Variants in ABLIM1 observed in about 807,000 individuals in gnomAD.
The protein encoded by ABLIM1 is actin-binding LIM protein 1.
A neutral mutation model predicts 107.0 loss-of-function variants in ABLIM1; 40 were observed. The observed-to-expected ratio is 0.37, with a 90% CI of 0.29 to 0.49. ABLIM1 has a LOEUF of 0.49. ABLIM1 is among the 20% of genes least tolerant of loss of function. ABLIM1 has a pLI of 0.97. For missense variants in ABLIM1, 857 were observed against 1,008.5 expected (o/e 0.85, Z 2.04); for synonymous variants, 357 against 357.3 (o/e 1.00, Z 0.01).
chr10:114,532,034 C>A (rs969855646), intron 6 of ABLIM1, among the ~76,000 whole-genome samples: 4 of 152,126 alleles, frequency 2.6e-5, no homozygotes, highest in African/African-American at 9.7e-5. Context: ...AGGCTCGTCT[C>A]GAACTCCTGG....
chr10:114,672,421 G>C (rs1018052639), intron 1 of ABLIM1, among the ~76,000 whole-genome samples: 2 of 152,000 alleles, frequency 1.3e-5, no homozygotes, highest in African/African-American at 4.8e-5. Context: ...GAGTGGTCTC[G>C]AGCTCCTGAC....
At chr10:114,439,033 G>T in intron 21 of ABLIM1, 143 bp downstream of exon 21, 1 of 935,196 alleles carries the variant, frequency 1.1e-6, no homozygotes, top group Non-Finnish European at 1.7e-6. Flanking sequence ...CAAAACAGCA[G>T]AATGGCAAGG....
At chr10:114,462,125 A>G (rs2064062091) in intron 12 of ABLIM1, among the ~76,000 whole-genome samples, 1 of 152,222 alleles carries the variant, frequency 6.6e-6, no homozygotes, top group South Asian at 2.1e-4. Context: ...ACTGACAACG[A>G]AAATTCAGTA....
the ABLIM1 span, chr10:114,779,342 G>A: frequency 6.6e-6 from 1 of 152,188 alleles, no homozygotes; most frequent in South Asian, 2.1e-4. Context: ...CTAGAATCTG[G>A]ATACAGGTTG....
At chr10:114,784,994 T>C in the ABLIM1 span, among the ~76,000 whole-genome samples, 1 of 152,236 alleles carries the variant, frequency 6.6e-6, no homozygotes, top group Admixed American at 6.5e-5. Context: ...AAATGATTAA[T>C]AGATCTTATA....
intron 1 of ABLIM1, among the ~76,000 whole-genome samples, chr10:114,734,321 A>T (rs981118715): frequency 6.6e-6 from 1 of 152,172 alleles, no homozygotes; most frequent in South Asian, 2.1e-4. Flanking sequence ...CCCTTGCTCA[A>T]AACCTTCAAA....
chr10:114,695,313 T>G (rs993427787), intron 1 of ABLIM1, among the ~76,000 whole-genome samples: 6 of 152,132 alleles, frequency 3.9e-5, no homozygotes. Context: ...CCTTAAAACA[T>G]GCAGGAATCA....
chr10:114,554,751 A>G (rs138228389), intron 4 of ABLIM1, among the ~76,000 whole-genome samples: 2 of 152,292 alleles, frequency 1.3e-5, no homozygotes, highest in African/African-American at 4.8e-5. Flanking sequence ...AGAGGATAAT[A>G]AAAGTAGCAA....
At chr10:114,541,159 G>T (rs1298361677) in intron 6 of ABLIM1, among the ~76,000 whole-genome samples, 1 of 152,076 alleles carries the variant, frequency 6.6e-6, no homozygotes, top group Non-Finnish European at 1.5e-5. Context: ...AACTGGGAGA[G>T]GCGAGGAAAG....
chr10:114,733,999 T>C (rs1249550605), intron 1 of ABLIM1, among the ~76,000 whole-genome samples: 1 of 152,136 alleles, frequency 6.6e-6, no homozygotes, highest in Non-Finnish European at 1.5e-5. Context: ...TAGCTAGGAT[T>C]ACAGGCGTGT....
At position 114,432,415 on chromosome 10, in the gene ABLIM1, CT is replaced by C. The variant is rs2058952331; in HGVS notation, c.*3844del. On this transcript the variant is annotated 3_prime_UTR_variant, in exon 23 of 23. Coordinates refer to ENST00000533213, the MANE Select transcript of ABLIM1 (RefSeq NM_002313.7). ...CCCAACCTGGAGCGGTCACCTGTCT[CT>C]TCCATACACAGGAGGATGCTAAGAC... 1 of 152,216 alleles carries C rather than the reference CT, an allele frequency of 6.6e-6. No homozygotes were observed. Among genetic ancestry groups the C allele is most frequent in the South Asian group, 2.1e-4 (1 of 4,828 alleles). The allele number at this position is 152,216 out of a possible 1,614,324, so 9.4% of individuals were successfully genotyped here. A position where few individuals can be genotyped will look rare whatever the true frequency, so the allele number is the denominator to read the frequency against.
chr10:114,728,400 C>T (rs1167378575), intron 1 of ABLIM1, among the ~76,000 whole-genome samples: 1 of 149,898 alleles, frequency 6.7e-6, no homozygotes, highest in Non-Finnish European at 1.5e-5. Flanking sequence ...CACATGTAAG[C>T]ATGTTCATTG....
chr10:114,602,821 G>A (rs931922600), intron 1 of ABLIM1, among the ~76,000 whole-genome samples: 3 of 152,168 alleles, frequency 2.0e-5, no homozygotes, highest in Non-Finnish European at 2.9e-5. Context: ...GGCCTTCAGA[G>A]ACTAGAAGTT....
intron 14 of ABLIM1, among the ~76,000 whole-genome samples, chr10:114,449,013 T>C (rs1180576350): frequency 1.3e-5 from 2 of 152,268 alleles, no homozygotes; most frequent in East Asian, 1.9e-4. Context: ...GAATTTGGCA[T>C]TGAAACTTAT....
chr10:114,641,275 A>AAAAAGG (rs1456354545), intron 1 of ABLIM1, among the ~76,000 whole-genome samples: 1 of 146,118 alleles, frequency 6.8e-6, no homozygotes, highest in Non-Finnish European at 1.5e-5. Flanking sequence ...AAAAAAAAAA[A>AAAAAGG]GTGGACTTCG....
chr10:114,512,904 G>A (rs1250395306), intron 6 of ABLIM1, among the ~76,000 whole-genome samples: 19 of 142,064 alleles, frequency 1.3e-4, no homozygotes, highest in Non-Finnish European at 6.1e-5. Flanking sequence ...AGGAAGGAAG[G>A]AAGGAAAGAA....
intron 10 of ABLIM1, 82 bp from the exon 11 acceptor site, chr10:114,468,298 G>T: frequency 7.4e-7 from 1 of 1,344,394 alleles, no homozygotes; most frequent in Admixed American, 1.7e-5. Context: ...TGTTTGAGAT[G>T]GAGTCTCGCT....
At chr10:114,788,499 G>A in the ABLIM1 span, among the ~76,000 whole-genome samples, 7 of 151,340 alleles carry the variant, frequency 4.6e-5, no homozygotes, top group East Asian at 1.2e-3. Flanking sequence ...AAGCTGAGGG[G>A]GACGGATCAC....
chr10:114,591,743 C>T (rs2074904072), intron 2 of ABLIM1, among the ~76,000 whole-genome samples: 1 of 151,162 alleles, frequency 6.6e-6, no homozygotes, highest in Non-Finnish European at 1.5e-5. Flanking sequence ...CCTCTCTTAT[C>T]TGAAACACCT....
Sources: allele counts gnomAD v4.1 joint callset (sites outside exome capture counted in the v4.1 genomes callset), GRCh38; gene constraint gnomAD v4.1.1; transcripts MANE v1.5; gene names NCBI Gene and HGNC (gene_info 2026-07-23, HGNC 2026-07-21).